The following TOX2 variants were observed in gnomAD, a reference collection of about 807,000 sequenced individuals.
TOX2 encodes TOX high mobility group box family member 2.
In TOX2, 15 loss-of-function variants were observed where a neutral mutation model predicts 47.4. That is an observed-to-expected ratio of 0.32 (90% CI 0.21 to 0.49). The LOEUF (loss-of-function observed/expected upper bound fraction) is 0.49, where lower values mean the gene tolerates loss of function less well. TOX2 is among the 20% of genes least tolerant of loss of function. The pLI is 0.99. For synonymous variants in TOX2, 290 were observed against 296.6 expected, an observed-to-expected ratio of 0.98 and a Z score of 0.23; for missense variants, 622 against 673.1, an observed-to-expected ratio of 0.92 and a Z score of 0.84.
chr20:43,922,591 C>A (rs1466817536), intron 1 of TOX2, among the ~76,000 whole-genome samples: 1 of 152,124 alleles, frequency 6.6e-6, no homozygotes, highest in Admixed American at 6.5e-5. Context: ...TTGGGAGCAA[C>A]AGTAAAAACA....
intron 2 of TOX2, among the ~76,000 whole-genome samples, chr20:43,991,412 C>T (rs1359164677): frequency 2.0e-5 from 3 of 152,184 alleles, no homozygotes; most frequent in Admixed American, 6.5e-5. Context: ...ACCTACTGTG[C>T]GTCAGGCAGT....
At chr20:43,981,155 G>A (rs771136507) in intron 2 of TOX2, among the ~76,000 whole-genome samples, 13 of 152,158 alleles carry the variant, frequency 8.5e-5, no homozygotes, top group African/African-American at 1.7e-4. Flanking sequence ...AAAATCCAAA[G>A]GTTTGATAAC....
chr20:44,031,047 C>T (rs942977696), intron 3 of TOX2, among the ~76,000 whole-genome samples: 13 of 152,152 alleles, frequency 8.5e-5, no homozygotes, highest in African/African-American at 3.1e-4. Context: ...GTGAGGTTCA[C>T]TGCTGAGTTA....
At chr20:43,964,269 G>A (rs371323109) in intron 1 of TOX2, among the ~76,000 whole-genome samples, 10 of 152,264 alleles carry the variant, frequency 6.6e-5, no homozygotes, top group Admixed American at 3.3e-4. Flanking sequence ...TTCCCAGGCC[G>A]TGCTCTATTC....
Position 44,060,468 on chromosome 20 carries a change from A to G in TOX2, c.880-4309A>G, listed in dbSNP as rs142819257. Reference sequence around the variant, plus strand: ...GAATATACATTCTGTTCATCAGCACATGGAACGTTCTCCAAGATAGACCAT... The same window carrying G: ...GAATATACATTCTGTTCATCAGCACGTGGAACGTTCTCCAAGATAGACCAT... On this transcript the variant is annotated intron_variant, in intron 5 of 8. Transcript: ENST00000341197. 7.5e-4 allele frequency among the ~76,000 whole-genome samples: 114 copies of G among 152,292 alleles called. 1 individual carries two copies. Among genetic ancestry groups the G allele is most frequent in the African/African-American group, 2.7e-3 (111 of 41,572 alleles).
intron 2 of TOX2, among the ~76,000 whole-genome samples, chr20:43,978,025 A>T (rs2070111504): frequency 6.6e-6 from 1 of 152,126 alleles, no homozygotes; most frequent in Non-Finnish European, 1.5e-5. Context: ...TTCCTATCAA[A>T]TGGGAGGAGT....
At chr20:44,023,431 GAAAAAAAA>G (rs35627597) in intron 3 of TOX2, among the ~76,000 whole-genome samples, 1 of 119,148 alleles carries the variant, frequency 8.4e-6, no homozygotes, top group Non-Finnish European at 1.7e-5. Flanking sequence ...CTTTATCTCA[GAAAAAAAA>G]AAAAAAAAAA....
At chr20:43,985,688 G>T (rs2070251364) in intron 2 of TOX2, among the ~76,000 whole-genome samples, 1 of 152,146 alleles carries the variant, frequency 6.6e-6, no homozygotes, top group Non-Finnish European at 1.5e-5. Flanking sequence ...GGTAAAATGG[G>T]ACAGGTACAT....
intron 1 of TOX2, among the ~76,000 whole-genome samples, chr20:43,932,731 C>T (rs1203947825): frequency 6.6e-6 from 1 of 151,832 alleles, no homozygotes; most frequent in African/African-American, 2.4e-5. Context: ...TGGGGGCCCG[C>T]ACCCTGGGTT....
intron 3 of TOX2, among the ~76,000 whole-genome samples, chr20:44,045,117 A>G (rs965791354): frequency 1.3e-5 from 2 of 152,152 alleles, no homozygotes; most frequent in Non-Finnish European, 2.9e-5. Context: ...GAAGAGAGGA[A>G]TGGGGAGTTC....
intron 1 of TOX2, among the ~76,000 whole-genome samples, chr20:43,927,784 C>T (rs970672839): frequency 7.2e-6 from 1 of 139,610 alleles, no homozygotes; most frequent in African/African-American, 2.6e-5. Flanking sequence ...TCTTTCCCTC[C>T]CTCCCTCCCT....
At chr20:43,958,372 C>T (rs1401422670) in intron 1 of TOX2, among the ~76,000 whole-genome samples, 2 of 152,150 alleles carry the variant, frequency 1.3e-5, no homozygotes, top group Admixed American at 1.3e-4. Flanking sequence ...TGTAGCCTAC[C>T]TCAGTGACTT....
intron 4 of TOX2, among the ~76,000 whole-genome samples, chr20:44,052,753 C>T (rs2071538576): frequency 6.6e-6 from 1 of 152,182 alleles, no homozygotes. Context: ...AGTAATGTAT[C>T]TGGTGTCACA....
chr20:44,015,975 G>A (rs1289337637), intron 3 of TOX2, among the ~76,000 whole-genome samples: 2 of 152,108 alleles, frequency 1.3e-5, no homozygotes, highest in Non-Finnish European at 2.9e-5. Flanking sequence ...ACAGGATCAC[G>A]TTTGTTGACG....
At chr20:44,021,389 C>T (rs947895635) in intron 3 of TOX2, among the ~76,000 whole-genome samples, 2 of 152,112 alleles carry the variant, frequency 1.3e-5, no homozygotes, top group Admixed American at 1.3e-4. Context: ...GGGCCGTAAG[C>T]CGAGATTCTA....
At chr20:44,008,867 A>G (rs1446567693) in intron 3 of TOX2, among the ~76,000 whole-genome samples, 1 of 152,246 alleles carries the variant, frequency 6.6e-6, no homozygotes, top group African/African-American at 2.4e-5. Context: ...GAACCCCACC[A>G]GTGTCACAAG....
intron 1 of TOX2, among the ~76,000 whole-genome samples, chr20:43,954,861 A>G (rs1425427355): frequency 6.6e-6 from 1 of 152,226 alleles, no homozygotes; most frequent in Admixed American, 6.5e-5. Flanking sequence ...GAGACCTTGC[A>G]CAATTCCCTT....
At chr20:44,029,884 C>A (rs892867311) in intron 3 of TOX2, among the ~76,000 whole-genome samples, 5 of 152,206 alleles carry the variant, frequency 3.3e-5, no homozygotes, top group Non-Finnish European at 7.3e-5. Flanking sequence ...GCACTGATGG[C>A]CTTCACGTTG....
intron 5 of TOX2, among the ~76,000 whole-genome samples, chr20:44,057,617 C>G (rs1301148332): frequency 6.6e-6 from 1 of 152,178 alleles, no homozygotes; most frequent in Non-Finnish European, 1.5e-5. Context: ...CTTCACAAGT[C>G]TTTATATACA....
Sources: allele counts gnomAD v4.1 joint callset (sites outside exome capture counted in the v4.1 genomes callset), GRCh38; gene constraint gnomAD v4.1.1; transcripts MANE v1.5; gene names NCBI Gene and HGNC (gene_info 2026-07-23, HGNC 2026-07-21).